PIEZO2: variants seen among roughly 807,000 people sequenced by gnomAD.
PIEZO2 encodes piezo-type mechanosensitive ion channel component 2.
In PIEZO2, 172 loss-of-function variants were observed where a neutral mutation model predicts 337.3. The observed-to-expected ratio is 0.51, with a 90% confidence interval of 0.45 to 0.58. The LOEUF (loss-of-function observed/expected upper bound fraction) is 0.58. Among genes scored for constraint, PIEZO2 ranks in the 20% least tolerant of loss-of-function variants. The pLI, the probability that PIEZO2 is intolerant of heterozygous loss-of-function variation, is 0.00. For missense variants in PIEZO2, 3,028 were observed against 3,391.3 expected (o/e 0.89, Z 2.66); for synonymous variants, 1,251 against 1,228.5 (o/e 1.02, Z -0.38).
chr18:10,781,058 T>C lies in PIEZO2; in HGVS notation c.2493-692A>G, dbSNP rs56258606. Among the ~76,000 whole-genome samples the C allele has an allele frequency of 0.3, 46,041 of 151,662 alleles. 8,041 individuals are homozygous for C. Among genetic ancestry groups the C allele is most frequent in the Middle Eastern group, 0.42 (123 of 292 alleles). ...AAAAAAGGATCCTACTCAGCGGCCA[T>C]ATTCAACATGTTGTTTTCTAAGGTT... On this transcript the variant is annotated intron_variant, in intron 17 of 55. Coordinates refer to ENST00000674853, the MANE Select transcript of PIEZO2 (RefSeq NM_001378183.1). The surrounding 1 kb of genome is among the most constrained non-coding windows in gnomAD (Gnocchi z 4.1).
At chr18:10,717,405 G>A (rs1353469416) in intron 37 of PIEZO2, among the ~76,000 whole-genome samples, 1 of 152,174 alleles carries the variant, frequency 6.6e-6, no homozygotes, top group Non-Finnish European at 1.5e-5. Flanking sequence ...CAGCAGAGGG[G>A]AGGCTTGGAA....
chr18:10,718,267 G>C lies in PIEZO2; in HGVS notation c.5030-8C>G, dbSNP rs772964811. 6.5e-7 allele frequency: 1 copy of C among 1,535,490 alleles called. No individual in the cohort carries two copies. The highest frequency in any genetic ancestry group is 8.7e-7 in the Non-Finnish European group (1 of 1,145,320). On this transcript the variant is annotated splice_polypyrimidine_tract_variant and splice_region_variant and intron_variant, in intron 36 of 55. Transcript: ENST00000674853. ...CTTCCCATTCCACAGGACCTGCCAA[G>C]TGTGTTCAATAAAGATGAGTTAAAT...
Position 10,715,789 on chromosome 18 carries a change from A to T in PIEZO2, c.5117T>A (p.Ile1706Asn), listed in dbSNP as rs1002640334. 1.7e-5 allele frequency: 26 copies of T among 1,532,114 alleles called. No individual in the cohort carries two copies. The highest frequency in any genetic ancestry group is 2.2e-5 in the Non-Finnish European group (25 of 1,143,174). 94.9% of individuals were successfully genotyped at this position (1,532,114 alleles called of 1,614,324 possible). A position where few individuals can be genotyped will look rare whatever the true frequency, so the allele number is the denominator to read the frequency against. The change falls in exon 38 of 56, where the codon ATT becomes AAT. Residue 1706 changes from isoleucine (I) to asparagine (N), a missense_variant. This residue lies in a region of PIEZO2 where 1,925 missense variants were observed against 2,051.9 expected (regional missense o/e 0.94). Transcript: ENST00000674853. Reference sequence around the variant, plus strand: ...AAATAGGACCCAGGTAAATTTCAAAATATTAAATATCCTCTTGATGATATT... The same window carrying T: ...AAATAGGACCCAGGTAAATTTCAAATTATTAAATATCCTCTTGATGATATT... ...PDNIIKRIFN[I>N]LKFTWVLFLA...
Position 11,070,264 on chromosome 18 carries a change from T to C in PIEZO2, c.65-4042A>G, listed in dbSNP as rs555596292. On this transcript the variant is annotated intron_variant, in intron 1 of 55. Transcript: ENST00000674853. The surrounding 1 kb of genome is among the most constrained non-coding windows in gnomAD (Gnocchi z 4.3). Reference sequence around the variant, plus strand: ...ATTTATGTATCTAAACATATCTAAATACAGAAAAAGTACAGTAAAAATACG... The same window carrying C: ...ATTTATGTATCTAAACATATCTAAACACAGAAAAAGTACAGTAAAAATACG... Among the ~76,000 whole-genome samples, 15 of 152,216 alleles carry C rather than the reference T, an allele frequency of 9.9e-5. No homozygotes were observed. The highest frequency in any genetic ancestry group is 3.4e-4 in the African/African-American group (14 of 41,516).
chr18:10,979,061 G>A lies in PIEZO2; in HGVS notation c.286+474C>T, dbSNP rs1342680457. Among the ~76,000 whole-genome samples, 1 of 151,948 alleles carries A rather than the reference G, an allele frequency of 6.6e-6. No homozygotes were observed. Among genetic ancestry groups the A allele is most frequent in the Non-Finnish European group, 1.5e-5 (1 of 67,992 alleles). The stretch of plus-strand genomic sequence containing the variant: ...TTCCAATTCAGAAAAGAAACTACAT[G>A]TGTCATTACATTTTTCCCATAAAAA... On this transcript the variant is annotated intron_variant, in intron 3 of 55. Transcript: ENST00000674853. The surrounding 1 kb of genome is among the most constrained non-coding windows in gnomAD (Gnocchi z 4.0).
intron 30 of PIEZO2, among the ~76,000 whole-genome samples, chr18:10,745,330 T>G (rs1024726805): frequency 6.6e-6 from 1 of 152,190 alleles, no homozygotes; most frequent in African/African-American, 2.4e-5. Flanking sequence ...CATGCAAATA[T>G]GCTCAAGTCT....
chr18:10,921,214 A>T (rs1211277708), intron 3 of PIEZO2, among the ~76,000 whole-genome samples: 1 of 152,118 alleles, frequency 6.6e-6, no homozygotes, highest in Non-Finnish European at 1.5e-5. Context: ...ATTGTGGAAA[A>T]GATAAGGTGA....
rs964046893 is a variant in PIEZO2 at position 10,774,004 on chromosome 18, A to G, written c.2567+2T>C. 1.4e-6 allele frequency: 1 copy of G among 703,008 alleles called. No homozygotes were observed. Among genetic ancestry groups the G allele is most frequent in the Non-Finnish European group, 2.6e-6 (1 of 385,016 alleles). 43.5% of individuals were successfully genotyped at this position (703,008 alleles called of 1,614,324 possible). On this transcript the variant is annotated splice_donor_variant, in intron 19 of 55. Transcript: ENST00000674853. LOFTEE classifies it high-confidence loss of function. ...ATTTCATGGCTTCACAGGGGGACTT[A>G]CTCATTTTGGTGGATTGGTAATTTT...
Position 10,895,332 on chromosome 18 carries a change from G to A in PIEZO2, c.329+15854C>T, listed in dbSNP as rs2042868713. Among the ~76,000 whole-genome samples, 1 of 152,084 alleles carries A rather than the reference G, an allele frequency of 6.6e-6. No homozygotes were observed. Among genetic ancestry groups the A allele is most frequent in the African/African-American group, 2.4e-5 (1 of 41,412 alleles). On this transcript the variant is annotated intron_variant, in intron 4 of 55. Transcript: ENST00000674853. The surrounding 1 kb of genome is among the most constrained non-coding windows in gnomAD (Gnocchi z 4.8). ...ATGTTGGTGCGCACCTGTAATAACA[G>A]CTACTCGGGAGGCTGAGGCAGGAGA...
At chr18:10,691,782 C>CATATATATATATATATATATATAT (rs33977962) in intron 47 of PIEZO2, among the ~76,000 whole-genome samples, 104 of 96,334 alleles carry the variant, frequency 1.1e-3, no homozygotes, top group Middle Eastern at 6.3e-3. Flanking sequence ...CACACACACA[C>CATATATATATATATATATATATAT]ATATATATAT....
rs890652195 is a variant in PIEZO2 at position 10,769,967 on chromosome 18, C to T, written c.2946+181G>A. ...CAACGAGAAACTCAGCCACGAGCCT[C>T]TTTCCTTTTTCTCAGTGCTGCTGAC... On this transcript the variant is annotated intron_variant, in intron 21 of 55. Transcript: ENST00000674853. 5.1e-6 allele frequency: 3 copies of T among 588,946 alleles called. No homozygotes were observed. In the African/African-American group the frequency reaches 5.7e-5, roughly 11 times the overall value. 36.5% of individuals were successfully genotyped at this position (588,946 alleles called of 1,614,324 possible).
intron 3 of PIEZO2, among the ~76,000 whole-genome samples, chr18:10,950,237 G>A (rs2033232467): frequency 6.6e-6 from 1 of 152,260 alleles, no homozygotes; most frequent in South Asian, 2.1e-4. Flanking sequence ...TCTATGTAAC[G>A]AGACGGGGGA....
intron 1 of PIEZO2, among the ~76,000 whole-genome samples, chr18:11,106,658 C>T (rs776410774): frequency 1.3e-5 from 2 of 152,048 alleles, no homozygotes; most frequent in Non-Finnish European, 2.9e-5. Flanking sequence ...AGTGATCTTC[C>T]GATCTCAGCC....
At chr18:11,010,960 G>A (rs2035876517) in intron 2 of PIEZO2, among the ~76,000 whole-genome samples, 1 of 152,142 alleles carries the variant, frequency 6.6e-6, no homozygotes. Context: ...TTTTCAATGT[G>A]CTAAATTGAT....
chr18:10,811,499 G>C (rs1469045357), intron 7 of PIEZO2, among the ~76,000 whole-genome samples: 1 of 152,134 alleles, frequency 6.6e-6, no homozygotes, highest in Admixed American at 6.5e-5. Context: ...GAGATTAACA[G>C]ATGGAAAAGT....
rs552526902 is a variant in PIEZO2 at position 10,815,939 on chromosome 18, A to C, written c.918-8665T>G. Among the ~76,000 whole-genome samples, 107 of 152,302 alleles carry C rather than the reference A, an allele frequency of 7.0e-4. No individual in the cohort carries two copies. Among genetic ancestry groups the C allele is most frequent in the Non-Finnish European group, 1.2e-3 (85 of 68,022 alleles). On this transcript the variant is annotated intron_variant, in intron 7 of 55. Coordinates refer to ENST00000674853, the MANE Select transcript of PIEZO2 (RefSeq NM_001378183.1). This position sits in a 1 kb window ranked among gnomAD's most constrained non-coding sequence, Gnocchi z 4.1. The stretch of plus-strand genomic sequence containing the variant: ...AGGTCCACAAAATTGCACCCAGCAC[A>C]CGTCAGTGGAGTGGAAACATCATCA...
At chr18:10,731,575 G>A in intron 35 of PIEZO2, 54 bp from the exon 36 acceptor site, 2 of 1,182,606 alleles carry the variant, frequency 1.7e-6, no homozygotes, top group South Asian at 1.6e-5. Flanking sequence ...TGAAATAAAA[G>A]GGACCTACAC....
At chr18:10,749,262 C>T (rs2037551170) in intron 29 of PIEZO2, among the ~76,000 whole-genome samples, 1 of 152,004 alleles carries the variant, frequency 6.6e-6, no homozygotes, top group African/African-American at 2.4e-5. Context: ...GAGTTCAAGA[C>T]CAACCTGGGC....
chr18:10,765,726 G>A (rs530166008), intron 21 of PIEZO2, among the ~76,000 whole-genome samples: 14 of 152,128 alleles, frequency 9.2e-5, no homozygotes, highest in East Asian at 7.8e-4. Flanking sequence ...TTTGGGACTC[G>A]CAGCAAGTGC....
Sources: gnomAD v4.1 joint callset for allele counts (sites outside exome capture counted in the v4.1 genomes callset) on GRCh38, gnomAD v4.1.1 for gene constraint, gnomAD v4.1.1 regional missense constraint, Gnocchi (gnomAD v3.1) non-coding constraint, MANE v1.5 for transcripts, NCBI Gene and HGNC (gene_info 2026-07-23, HGNC 2026-07-21) for gene names.